The following MEG3 variants were observed in gnomAD, a reference collection of about 807,000 sequenced individuals.
MEG3 encodes the protein maternally expressed 3.
At chr14:100,839,676 G>A (rs1566727076) in intron 2 of MEG3, among the ~76,000 whole-genome samples, 1 of 152,210 alleles carries the variant, frequency 6.6e-6, no homozygotes, top group East Asian at 1.9e-4. Flanking sequence ...AGGTGGGAGT[G>A]TGGGGGGCCC....
chr14:100,834,813 T>TTGAG, exon 1 of MEG3: 1 of 456,694 alleles, frequency 2.2e-6, no homozygotes, highest in Non-Finnish European at 4.4e-6. Flanking sequence ...TGCGAAGAGT[T>TTGAG]CTAGGTGCAA....
At chr14:100,827,362 T>G (rs180940259) in intron 1 of MEG3, 6 of 151,762 alleles carry the variant, frequency 4.0e-5, no homozygotes. Flanking sequence ...AGGTGGCCTT[T>G]GTTCTCCTGA....
At chr14:100,859,772 C>T (rs1449559494) in exon 1 of MEG3, 1 of 152,168 alleles carries the variant, frequency 6.6e-6, no homozygotes. Flanking sequence ...CCCTGAGCCT[C>T]GATTTTCCCA....
chr14:100,857,314 G>A (rs1352953911), exon 1 of MEG3: 1 of 152,126 alleles, frequency 6.6e-6, no homozygotes, highest in Admixed American at 6.5e-5. Flanking sequence ...TTGCCTCTTT[G>A]ACCCTCAATC....
At chr14:100,831,542 CTT>C (rs2037396622), downstream of MEG3, 1 of 152,650 alleles carries the variant, frequency 6.6e-6, no homozygotes, top group African/African-American at 2.4e-5. Flanking sequence ...AAGGTAAAGA[CTT>C]TTCTGTGGCT....
At chr14:100,827,314 C>A (rs1467947364) in intron 1 of MEG3, 2 of 98,280 alleles carry the variant, frequency 2.0e-5, no homozygotes, top group Non-Finnish European at 3.8e-5. Flanking sequence ...AGGGCGCTGG[C>A]GGCACTGCGG....
At chr14:100,855,345 A>C (rs1595305969), upstream of MEG3, 1 of 151,144 alleles carries the variant, frequency 6.6e-6, no homozygotes, top group Non-Finnish European at 1.5e-5. Context: ...TGAAGCAAAC[A>C]CCCTTTCTTG....
chr14:100,845,679 C>T lies in MEG3; in HGVS notation n.3121+146C>T, dbSNP rs1203022061. On this transcript the variant is annotated intron_variant and non_coding_transcript_variant, in intron 3 of 3. Coordinates refer to the MEG3 transcript ENST00000398461. The surrounding 1 kb of genome is among the most constrained non-coding windows in gnomAD (Gnocchi z 5.2). ...TGTGCACCGGGAGGTGGGTGCCCAT[C>T]GAGTCAAGCCAAGTGCAGACCTGGG... 1.2e-5 allele frequency: 4 copies of T among 325,048 alleles called. No homozygotes were observed. The highest frequency in any genetic ancestry group is 9.4e-5 in the East Asian group (1 of 10,664). 20.1% of individuals were successfully genotyped at this position (325,048 alleles called of 1,614,324 possible).
upstream of MEG3, chr14:100,852,671 C>T (rs568843480): frequency 7.5e-6 from 2 of 267,512 alleles, no homozygotes; most frequent in Non-Finnish European, 1.5e-5. Flanking sequence ...CAAAAGAACT[C>T]ATGTACGGCT....
chr14:100,845,532 T>C lies in MEG3; in HGVS notation n.3120T>C. On this transcript the variant is annotated splice_region_variant and non_coding_transcript_exon_variant, in exon 3 of 4. Transcript: ENST00000398461. This position sits in a 1 kb window ranked among gnomAD's most constrained non-coding sequence, Gnocchi z 5.2. ...ACCCCAGCCCCTCTCCAGCTCGAAATCGTAAGTGGCTGGAGTGTAAAGAAC... is the reference window on the plus strand; with the variant it reads ...ACCCCAGCCCCTCTCCAGCTCGAAACCGTAAGTGGCTGGAGTGTAAAGAAC... 2.2e-6 allele frequency: 1 copy of C among 456,586 alleles called. No homozygotes were observed. The highest frequency in any genetic ancestry group is 4.4e-6 in the Non-Finnish European group (1 of 226,920). The allele number at this position is 456,586 out of a possible 1,614,324, so 28.3% of individuals were successfully genotyped here.
intron 1 of MEG3, chr14:100,835,970 C>G (rs1046619543): frequency 1.2e-5 from 4 of 336,826 alleles, no homozygotes; most frequent in Non-Finnish European, 1.7e-5. Flanking sequence ...CCACTCAGTT[C>G]TGGATTTGGG....
At chr14:100,832,306 C>T (rs1298823683), downstream of MEG3, 1 of 152,178 alleles carries the variant, frequency 6.6e-6, no homozygotes, top group African/African-American at 2.4e-5. Flanking sequence ...TTAACTCCTT[C>T]CATCGAGTTT....
intron 2 of MEG3, among the ~76,000 whole-genome samples, chr14:100,842,813 G>T (rs1451380575): frequency 6.6e-6 from 1 of 152,206 alleles, no homozygotes; most frequent in Non-Finnish European, 1.5e-5. Flanking sequence ...AGCTGTGGAA[G>T]ATGTTTTTGG....
upstream of MEG3, chr14:100,852,565 G>A (rs527812591): frequency 8.2e-5 from 31 of 379,806 alleles, no homozygotes. Flanking sequence ...TATCCCTGGG[G>A]ACACCTGCTG....
At chr14:100,860,730 G>T (rs1419943893) in intron 1 of MEG3, 1 of 456,460 alleles carries the variant, frequency 2.2e-6, no homozygotes, top group South Asian at 1.5e-5. Context: ...TATTCCCACG[G>T]GACAGGCTGG....
In MEG3 at chr14:100,837,931, C is replaced by T. The variant is rs2037638390; in HGVS notation, n.3045+1631C>T. 6.6e-6 allele frequency among the ~76,000 whole-genome samples: 1 copy of T among 151,830 alleles called. No individual in the cohort carries two copies. The highest frequency in any genetic ancestry group is 6.6e-5 in the Admixed American group (1 of 15,244). ...GGAGAGACGGGGAGGGGAGTGTGTG[C>T]CCAGGGCTAAACCCAGGGAGGGGGC... On this transcript the variant is annotated intron_variant and non_coding_transcript_variant, in intron 2 of 3. Coordinates refer to the MEG3 transcript ENST00000398461. The surrounding 1 kb of genome is among the most constrained non-coding windows in gnomAD (Gnocchi z 5.8).
At chr14:100,828,696 C>T (rs1040352531) in intron 1 of MEG3, 1 of 151,978 alleles carries the variant, frequency 6.6e-6, no homozygotes, top group African/African-American at 2.4e-5. Flanking sequence ...CTGCCCCCCT[C>T]CCATGCCATA....
chr14:100,846,200 C>T (rs561772047), intron 3 of MEG3: 19 of 152,340 alleles, frequency 1.2e-4, no homozygotes, highest in Non-Finnish European at 1.6e-4. Context: ...CCATGTCCGT[C>T]GTTTCCCACC....
Position 100,837,641 on chromosome 14 carries a change from C to T in MEG3, n.3045+1341C>T, listed in dbSNP as rs528841425. Among the ~76,000 whole-genome samples, 203 of 152,228 alleles carry T rather than the reference C, an allele frequency of 1.3e-3. No homozygotes were observed. The highest frequency in any genetic ancestry group is 4.6e-3 in the African/African-American group (190 of 41,536). The stretch of plus-strand genomic sequence containing the variant: ...TCCTCAGCCATGTGCACGCATCAGC[C>T]CTTGTGCAGGCCTCCGCCCTCCGCC... On this transcript the variant is annotated intron_variant and non_coding_transcript_variant, in intron 2 of 3. Transcript: ENST00000398461. The surrounding 1 kb of genome is among the most constrained non-coding windows in gnomAD (Gnocchi z 5.8).
Sources: gnomAD v4.1 joint callset for allele counts (sites outside exome capture counted in the v4.1 genomes callset) on GRCh38, gnomAD v4.1.1 for gene constraint, Gnocchi (gnomAD v3.1) non-coding constraint, MANE v1.5 for transcripts, NCBI Gene and HGNC (gene_info 2026-07-23, HGNC 2026-07-21) for gene names.